The following EXOC3L2 variants were observed in gnomAD, a reference collection of about 807,000 sequenced individuals.
EXOC3L2 encodes exocyst complex component 3-like protein 2.
In EXOC3L2, 17 loss-of-function variants were observed where a neutral mutation model predicts 44.4. The observed-to-expected ratio is 0.38, with a 90% CI of 0.26 to 0.57. The LOEUF (loss-of-function observed/expected upper bound fraction) is 0.57. Ranked by LOEUF, EXOC3L2 falls within the 20% of genes least tolerant of loss-of-function variation. The pLI is 0.65. For synonymous variants in EXOC3L2, 256 were observed against 253.7 expected (o/e 1.01, Z -0.09); for missense variants, 541 against 588.4 (o/e 0.92, Z 0.83).
At chr19:45,220,347 G>C (rs1437948655) in intron 8 of EXOC3L2, among the ~76,000 whole-genome samples, 1 of 151,616 alleles carries the variant, frequency 6.6e-6, no homozygotes, top group Non-Finnish European at 1.5e-5. Context: ...GGCCCACACT[G>C]TGGTCCTAGC....
chr19:45,213,035 G>A lies in EXOC3L2; in HGVS notation c.*34C>T. On this transcript the variant is annotated 3_prime_UTR_variant, in exon 12 of 12. Transcript: ENST00000413988. ...GGGAGGTTGGCTTGTCAGCAGCATAGATGGGGTCACTAAGGCCGGCGGTTG... is the reference window on the plus strand; with the variant it reads ...GGGAGGTTGGCTTGTCAGCAGCATAAATGGGGTCACTAAGGCCGGCGGTTG... The A allele has an allele frequency of 6.9e-7, 1 of 1,456,184 alleles. No individual in the cohort carries two copies. The allele number at this position is 1,456,184 out of a possible 1,614,324, so 90.2% of individuals were successfully genotyped here.
Position 45,217,684 on chromosome 19 carries a change from C to T in EXOC3L2, c.1843-1G>A. On this transcript the variant is annotated splice_acceptor_variant, in intron 9 of 11. Coordinates refer to ENST00000413988, the MANE Select transcript of EXOC3L2 (RefSeq NM_001382422.1). LOFTEE classifies it high-confidence loss of function. ...GCCGGTGTAGCTCGGCTACCAGCGC[C>T]TGGAGGCGGAGGAGGGAAACCCGAG... 1 of 1,399,934 alleles carries T rather than the reference C, an allele frequency of 7.1e-7. No homozygotes were observed. The highest frequency in any genetic ancestry group is 1.6e-5 in the South Asian group (1 of 63,650). The allele number at this position is 1,399,934 out of a possible 1,614,324, so 86.7% of individuals were successfully genotyped here.
rs1969848037 is a variant in EXOC3L2 at position 45,217,516 on chromosome 19, C to A, written c.1998+12G>T. The A allele has an allele frequency of 6.4e-7, 1 of 1,571,614 alleles. No homozygotes were observed. The highest frequency in any genetic ancestry group is 2.4e-5 in the East Asian group (1 of 41,468). ...GTTTCTGAAACACCCCCAACCGCGTCCCGACACTGACCAGCCGCCGGAACA... is the reference window on the plus strand; with the variant it reads ...GTTTCTGAAACACCCCCAACCGCGTACCGACACTGACCAGCCGCCGGAACA... On this transcript the variant is annotated intron_variant, in intron 10 of 11. Coordinates refer to ENST00000413988, the MANE Select transcript of EXOC3L2 (RefSeq NM_001382422.1).
At position 45,236,465 on chromosome 19, in the gene EXOC3L2, CAA is replaced by C. The variant is rs34024056; in HGVS notation, c.524-1641_524-1640del. Among the ~76,000 whole-genome samples, 506 of 44,894 alleles carry C rather than the reference CAA, an allele frequency of 0.011. 6 individuals carry two copies. The East Asian group carries it at 0.18, about 16-fold the overall frequency. The allele number at this position is 44,894 out of a possible 152,430, so 29.5% of individuals were successfully genotyped here. On this transcript the variant is annotated intron_variant, in intron 2 of 11. Coordinates refer to ENST00000413988, the MANE Select transcript of EXOC3L2 (RefSeq NM_001382422.1). ...TGGATGACAGAGCTAGACTCCATCTCAAAAAAAAAAAAAAAAAAAAAAAAGAT... is the reference window on the plus strand; with the variant it reads ...TGGATGACAGAGCTAGACTCCATCTCAAAAAAAAAAAAAAAAAAAAAAGAT...
At chr19:45,236,246 A>C (rs1970083246) in intron 2 of EXOC3L2, among the ~76,000 whole-genome samples, 1 of 151,870 alleles carries the variant, frequency 6.6e-6, no homozygotes, top group Admixed American at 6.6e-5. Context: ...TGGGCGGATC[A>C]CCTGAGGTCA....
intron 1 of EXOC3L2, among the ~76,000 whole-genome samples, chr19:45,239,833 A>G (rs967341962): frequency 5.9e-5 from 9 of 151,896 alleles, no homozygotes; most frequent in African/African-American, 2.2e-4. Flanking sequence ...AATATTCTCT[A>G]TCTTAAGTTG....
Position 45,227,682 on chromosome 19 carries a change from G to A in EXOC3L2, c.1563C>T (p.Val521=), listed in dbSNP as rs765138235. The A allele has an allele frequency of 9.3e-6, 15 of 1,612,174 alleles. No individual in the cohort carries two copies. The highest frequency in any genetic ancestry group is 8.5e-6 in the Non-Finnish European group (10 of 1,179,644). The change falls in exon 7 of 12, where the codon GTC becomes GTT. Residue 521 remains valine, a synonymous_variant. Transcript: ENST00000413988. The stretch of plus-strand genomic sequence containing the variant: ...CTCACCTCAGTGGGGGGCCGCAGTT[G>A]ACCAGGGCGATGGTCTTGCTGATAT... ...DTYISKTIAL[V]NCGPPLRALA...
At chr19:45,221,291 C>T (rs1969894621) in intron 8 of EXOC3L2, among the ~76,000 whole-genome samples, 1 of 151,880 alleles carries the variant, frequency 6.6e-6, no homozygotes, top group African/African-American at 2.4e-5. Context: ...ATCCTCCCAC[C>T]TCACAGCCTC....
At chr19:45,224,653 C>G in intron 8 of EXOC3L2, 125 bp downstream of exon 8, 2 of 1,370,706 alleles carry the variant, frequency 1.5e-6, no homozygotes, top group Non-Finnish European at 1.9e-6. Context: ...TTAACTGCCC[C>G]TGCCCCCCGC....
chr19:45,239,292 A>G (rs1359489339), intron 1 of EXOC3L2, among the ~76,000 whole-genome samples: 2 of 139,740 alleles, frequency 1.4e-5, no homozygotes, highest in Admixed American at 1.6e-4. Context: ...ATCTCAGCTC[A>G]CTGCAAGCTC....
intron 8 of EXOC3L2, 42 bp downstream of exon 8, chr19:45,224,736 G>A: frequency 1.3e-6 from 2 of 1,537,896 alleles, no homozygotes; most frequent in African/African-American, 1.4e-5. Flanking sequence ...GCGCTTCCCT[G>A]TCCTGGCATG....
intron 4 of EXOC3L2, among the ~76,000 whole-genome samples, chr19:45,231,185 T>G (rs1970027633): frequency 6.6e-6 from 1 of 152,172 alleles, no homozygotes; most frequent in Non-Finnish European, 1.5e-5. Flanking sequence ...TTGACTGATT[T>G]CTGTGGCTGG....
At chr19:45,225,291 CG>C (rs1469849331) in intron 7 of EXOC3L2, among the ~76,000 whole-genome samples, 1 of 148,672 alleles carries the variant, frequency 6.7e-6, no homozygotes, top group African/African-American at 2.5e-5. Context: ...TTTTTTGAGA[CG>C]GAGTCTCGCT....
At chr19:45,226,747 C>CTTTTTTTTTTTTTTTTTTTTTTT (rs957385712) in intron 7 of EXOC3L2, among the ~76,000 whole-genome samples, 3 of 90,654 alleles carry the variant, frequency 3.3e-5, no homozygotes, top group African/African-American at 6.1e-5. Context: ...ACTCCCATCT[C>CTTTTTTTTTTTTTTTTTTTTTTT]TTTTTTTTTT....
At chr19:45,235,409 G>A (rs903999587) in intron 2 of EXOC3L2, among the ~76,000 whole-genome samples, 10 of 152,194 alleles carry the variant, frequency 6.6e-5, no homozygotes, top group African/African-American at 1.9e-4. Flanking sequence ...CGGAGGAGGC[G>A]AGAAGGTTGA....
At position 45,216,176 on chromosome 19, in the gene EXOC3L2, G is replaced by A; in HGVS notation, c.2017C>T (p.Leu673=). The change falls in exon 11 of 12, where the codon CTG becomes TTG. Residue 673 remains leucine, a synonymous_variant. Coordinates refer to ENST00000413988, the MANE Select transcript of EXOC3L2 (RefSeq NM_001382422.1). The stretch of plus-strand genomic sequence containing the variant: ...GCCAAATGGGGCACCACGGCATCCA[G>A]CCACGAGGCCTGGGACTCCTGCAGG... ...FRRLESQASW[L]DAVVPHLAEV... is the part of the protein sequence containing the mutation. The A allele has an allele frequency of 6.2e-7, 1 of 1,613,860 alleles. No individual in the cohort carries two copies. The highest frequency in any genetic ancestry group is 8.5e-7 in the Non-Finnish European group (1 of 1,179,966).
chr19:45,224,755 C>A (rs1164243237), intron 8 of EXOC3L2, 23 bp downstream of exon 8: 1 of 1,545,684 alleles, frequency 6.5e-7, no homozygotes, highest in Non-Finnish European at 8.7e-7. Flanking sequence ...TGGGCCCCAA[C>A]CCTGGCCTCC....
At chr19:45,237,046 G>T (rs1439227807) in intron 2 of EXOC3L2, among the ~76,000 whole-genome samples, 1 of 151,740 alleles carries the variant, frequency 6.6e-6, no homozygotes, top group Non-Finnish European at 1.5e-5. Context: ...GAGGGAAATG[G>T]GTGGAAGGTG....
intron 8 of EXOC3L2, among the ~76,000 whole-genome samples, chr19:45,223,387 G>C (rs977156827): frequency 6.6e-6 from 1 of 152,062 alleles, no homozygotes; most frequent in Non-Finnish European, 1.5e-5. Context: ...CTGTCACCCA[G>C]GCTGCAGTGC....
Sources: gnomAD v4.1 joint callset for allele counts (sites outside exome capture counted in the v4.1 genomes callset) on GRCh38, gnomAD v4.1.1 for gene constraint, MANE v1.5 for transcripts, NCBI Gene and HGNC (gene_info 2026-07-23, HGNC 2026-07-21) for gene names.